RNLS: variants seen among roughly 807,000 people sequenced by gnomAD.
The protein encoded by RNLS is renalase, FAD dependent amine oxidase.
RNLS carries 39 observed loss-of-function variants against 39.8 expected under a neutral mutation model. That is an observed-to-expected ratio of 0.98 (90% CI 0.76 to 1.28). The LOEUF is 1.28. Ranked by LOEUF, RNLS falls within the 50% of genes most tolerant of loss-of-function variation. The probability of loss-of-function intolerance (pLI) is 0.00; values close to 1 mark genes in which losing one functional copy is unlikely to be tolerated. For missense variants in RNLS, 410 were observed against 413.3 expected (o/e 0.99, Z 0.07); for synonymous variants, 147 against 150.7 (o/e 0.98, Z 0.18).
intron 4 of RNLS, among the ~76,000 whole-genome samples, chr10:88,451,516 C>A (rs1842360096): frequency 6.6e-6 from 1 of 152,162 alleles, no homozygotes. Context: ...CAAAGAAAGA[C>A]TTTAGGGAGC....
intron 4 of RNLS, among the ~76,000 whole-genome samples, chr10:88,396,871 C>A (rs1336393561): frequency 6.6e-6 from 1 of 151,644 alleles, no homozygotes; most frequent in Non-Finnish European, 1.5e-5. Context: ...AAGAAAAAAT[C>A]CCTTACTAGA....
chr10:88,518,109 A>T (rs752154126), intron 4 of RNLS, among the ~76,000 whole-genome samples: 45 of 151,906 alleles, frequency 3.0e-4, no homozygotes, highest in Non-Finnish European at 4.7e-4. Flanking sequence ...GCCAAGTTAG[A>T]CCATAATGAG....
At chr10:88,246,215 T>C in the RNLS span, among the ~76,000 whole-genome samples, 1 of 152,190 alleles carries the variant, frequency 6.6e-6, no homozygotes, top group Non-Finnish European at 1.5e-5. Context: ...CTCTCCCTTC[T>C]CATAAATATC....
At chr10:88,188,051 C>A in the RNLS span, among the ~76,000 whole-genome samples, 1 of 151,964 alleles carries the variant, frequency 6.6e-6, no homozygotes, top group Non-Finnish European at 1.5e-5. Flanking sequence ...AAATAAAAGT[C>A]CTCAGTTTCT....
chr10:88,463,538 C>T (rs1434649236), intron 4 of RNLS, among the ~76,000 whole-genome samples: 2 of 151,918 alleles, frequency 1.3e-5, no homozygotes, highest in East Asian at 1.9e-4. Context: ...CAAACTCATA[C>T]AAACTGTAAA....
chr10:88,368,951 A>G (rs1850329415), intron 4 of RNLS, among the ~76,000 whole-genome samples: 1 of 152,050 alleles, frequency 6.6e-6, no homozygotes, highest in East Asian at 1.9e-4. Flanking sequence ...GGAAGAATAG[A>G]TCTCGCTTTG....
At chr10:88,449,893 G>C (rs1221411566) in intron 4 of RNLS, among the ~76,000 whole-genome samples, 1 of 152,096 alleles carries the variant, frequency 6.6e-6, no homozygotes, top group Admixed American at 6.6e-5. Flanking sequence ...GCTTCTGGGA[G>C]GGTAGGACAC....
At chr10:88,339,795 G>A (rs1847797910) in intron 5 of RNLS, among the ~76,000 whole-genome samples, 1 of 152,038 alleles carries the variant, frequency 6.6e-6, no homozygotes. Flanking sequence ...ATAGAAATAA[G>A]TTCTGCTAAA....
chr10:88,575,290 A>G (rs1260758843), intron 3 of RNLS, among the ~76,000 whole-genome samples: 1 of 149,728 alleles, frequency 6.7e-6, no homozygotes, highest in African/African-American at 2.5e-5. Flanking sequence ...GTGTATATAT[A>G]TATATGTCAG....
At chr10:88,410,291 TCA>T (rs1210630696) in intron 4 of RNLS, among the ~76,000 whole-genome samples, 1 of 152,184 alleles carries the variant, frequency 6.6e-6, no homozygotes, top group Non-Finnish European at 1.5e-5. Context: ...TAATTTAATA[TCA>T]GAGTTAATGA....
At chr10:88,206,757 C>T in the RNLS span, among the ~76,000 whole-genome samples, 6 of 152,116 alleles carry the variant, frequency 3.9e-5, no homozygotes, top group African/African-American at 1.2e-4. Context: ...ACGAAGCCAT[C>T]GTTCATCTTT....
chr10:88,371,377 C>A (rs11202733), intron 4 of RNLS, among the ~76,000 whole-genome samples: 2 of 152,076 alleles, frequency 1.3e-5, no homozygotes, highest in Non-Finnish European at 2.9e-5. Context: ...CAGGACGATA[C>A]TAAATCAAAG....
intron 5 of RNLS, among the ~76,000 whole-genome samples, chr10:88,352,367 A>G (rs1225517096): frequency 6.6e-6 from 1 of 152,184 alleles, no homozygotes; most frequent in Non-Finnish European, 1.5e-5. Context: ...ATTTTGAGAT[A>G]CATCCCATCA....
intron 5 of RNLS, among the ~76,000 whole-genome samples, chr10:88,339,061 G>A (rs1450344010): frequency 6.6e-6 from 1 of 152,040 alleles, no homozygotes; most frequent in Non-Finnish European, 1.5e-5. Flanking sequence ...CGCCCAGCCA[G>A]AAAGCTAGAT....
chr10:88,273,437 T>C (rs1176326856), downstream of RNLS, among the ~76,000 whole-genome samples: 3 of 152,242 alleles, frequency 2.0e-5, no homozygotes, highest in Admixed American at 6.5e-5. Flanking sequence ...ATTCTTGACT[T>C]AGCATTACAT....
chr10:88,274,965 A>G (rs1340521816), exon 7 of RNLS: 12 of 1,612,660 alleles, frequency 7.4e-6, no homozygotes, highest in Non-Finnish European at 9.3e-6. Flanking sequence ...AGGAAGTCAG[A>G]TGGGAAATCC....
chr10:88,421,735 C>G (rs967921465), intron 4 of RNLS, among the ~76,000 whole-genome samples: 1 of 152,174 alleles, frequency 6.6e-6, no homozygotes, highest in Admixed American at 6.5e-5. Context: ...AATTTTATAT[C>G]ATGGCATTTA....
intron 5 of RNLS, among the ~76,000 whole-genome samples, chr10:88,328,027 C>T (rs1432617209): frequency 2.6e-5 from 4 of 152,126 alleles, no homozygotes; most frequent in Admixed American, 2.6e-4. Flanking sequence ...TTGTGCCTCG[C>T]ATCCTGAGTG....
chr10:88,220,479 T>C, the RNLS span, among the ~76,000 whole-genome samples: 1 of 152,322 alleles, frequency 6.6e-6, no homozygotes, highest in Admixed American at 6.5e-5. Flanking sequence ...TCAAAATAAC[T>C]TTATTATTAA....
Sources: allele counts gnomAD v4.1 joint callset (sites outside exome capture counted in the v4.1 genomes callset), GRCh38; gene constraint gnomAD v4.1.1; transcripts MANE v1.5; gene names NCBI Gene and HGNC (gene_info 2026-07-23, HGNC 2026-07-21).